The following NIBAN1 variants were observed in gnomAD, a reference collection of about 807,000 sequenced individuals.
NIBAN1 encodes protein Niban 1.
A neutral mutation model predicts 75.1 loss-of-function variants in NIBAN1; 81 were observed. That is an observed-to-expected ratio of 1.08 (90% CI 0.90 to 1.30). The LOEUF is 1.30. Ranked by LOEUF, NIBAN1 falls within the 50% of genes most tolerant of loss-of-function variation. The probability of loss-of-function intolerance (pLI) is 0.00; values close to 1 mark genes in which losing one functional copy is unlikely to be tolerated. For missense variants in NIBAN1, 1,133 were observed against 1,128.1 expected, an observed-to-expected ratio of 1.00 and a Z score of -0.06; for synonymous variants, 436 against 424.8, an observed-to-expected ratio of 1.03 and a Z score of -0.32.
At chr1:184,917,231 G>A (rs1657408862) in intron 1 of NIBAN1, among the ~76,000 whole-genome samples, 1 of 145,438 alleles carries the variant, frequency 6.9e-6, no homozygotes, top group Admixed American at 6.9e-5. Flanking sequence ...TTGAGATGAA[G>A]TCTCACTCTG....
At chr1:184,918,041 C>T (rs751780229) in intron 1 of NIBAN1, among the ~76,000 whole-genome samples, 1 of 152,132 alleles carries the variant, frequency 6.6e-6, no homozygotes, top group South Asian at 2.1e-4. Flanking sequence ...TGGATCCCTG[C>T]CGCATATTTC....
intron 9 of NIBAN1, among the ~76,000 whole-genome samples, chr1:184,815,007 A>G (rs2102209433): frequency 6.6e-6 from 1 of 152,310 alleles, no homozygotes; most frequent in East Asian, 1.9e-4. Flanking sequence ...ATATATTGAT[A>G]TGGTGACTTA....
At chr1:184,909,785 A>G (rs549535470) in intron 1 of NIBAN1, among the ~76,000 whole-genome samples, 85 of 152,324 alleles carry the variant, frequency 5.6e-4, no homozygotes, top group African/African-American at 2.0e-3. Context: ...AACATCTCCA[A>G]TAATAAAATC....
chr1:184,827,276 T>C (rs758960777), intron 6 of NIBAN1, among the ~76,000 whole-genome samples: 5 of 152,086 alleles, frequency 3.3e-5, no homozygotes, highest in Non-Finnish European at 7.3e-5. Flanking sequence ...GCAGAGCCTG[T>C]GGGTGCTGAA....
At position 184,890,051 on chromosome 1, in the gene NIBAN1, C is replaced by T. The variant is rs1276279532; in HGVS notation, c.433+57G>A. ...TCTCCTTCACAGAGAAACACTGCTC[C>T]AGCTAAACAAAGAAGCTTAGTCATT... On this transcript the variant is annotated intron_variant, in intron 4 of 13. Transcript: ENST00000367511. 7 of 1,303,136 alleles carry T rather than the reference C, an allele frequency of 5.4e-6. No homozygotes were observed. In the African/African-American group the frequency reaches 1.0e-4, roughly 19 times the overall value. 80.7% of individuals were successfully genotyped at this position (1,303,136 alleles called of 1,614,324 possible).
chr1:184,823,686 C>A lies in NIBAN1; in HGVS notation c.774G>T (p.Leu258=). ...CATTCTTCTTCCCCTTCATCTTAGG[C>A]AGCAGGTCTGTCTGAAGAGTGGGCA... ...ELLPTLQTDL[L]PKMKGKKNDR... Residue 258 remains leucine (L), a synonymous_variant, in exon 7 of 14, where the codon CTG becomes CTT. Coordinates refer to ENST00000367511, the MANE Select transcript of NIBAN1 (RefSeq NM_052966.4). 6.2e-7 allele frequency: 1 copy of A among 1,614,166 alleles called. No individual in the cohort carries two copies. The highest frequency in any genetic ancestry group is 1.3e-5 in the African/African-American group (1 of 75,054).
At chr1:184,889,270 T>C (rs1656607350) in intron 4 of NIBAN1, among the ~76,000 whole-genome samples, 1 of 152,162 alleles carries the variant, frequency 6.6e-6, no homozygotes, top group Non-Finnish European at 1.5e-5. Flanking sequence ...GTTTTTAAGT[T>C]CAAAGCCCTG....
intron 1 of NIBAN1, among the ~76,000 whole-genome samples, chr1:184,942,894 G>A (rs1438476315): frequency 3.9e-5 from 6 of 152,002 alleles, no homozygotes; most frequent in Admixed American, 3.3e-4. Flanking sequence ...CAAGTGACTC[G>A]AAAATCAGGA....
rs572792467 is a variant in NIBAN1 at position 184,973,836 on chromosome 1, A to G, written c.55+466T>C. Among the ~76,000 whole-genome samples, 89 of 152,364 alleles carry G rather than the reference A, an allele frequency of 5.8e-4. No individual in the cohort carries two copies. The Middle Eastern group carries it at 0.014, about 23-fold the overall frequency. ...TGAAGTGCGAGCGAAGCTGCGGCCA[A>G]CGCCGCGCTTTCCAAAGCCAGGCCA... On this transcript the variant is annotated intron_variant, in intron 1 of 13. Transcript: ENST00000367511.
At chr1:184,955,383 A>G (rs1658463300) in intron 1 of NIBAN1, among the ~76,000 whole-genome samples, 2 of 31,410 alleles carry the variant, frequency 6.4e-5, no homozygotes, top group Non-Finnish European at 1.8e-4. Context: ...TGTTTTTGAG[A>G]TGGAGACTTG....
In NIBAN1 at chr1:184,896,134, A is replaced by T. The variant is rs548351416; in HGVS notation, c.187-1928T>A. Among the ~76,000 whole-genome samples, 11 of 152,306 alleles carry T rather than the reference A, an allele frequency of 7.2e-5. 1 individual carries two copies. Among genetic ancestry groups the T allele is most frequent in the Admixed American group, 5.9e-4 (9 of 15,288 alleles). The stretch of plus-strand genomic sequence containing the variant: ...TTTTTTAGTTATTTGTGATATCTCC[A>T]TACTATTTTCCGTAGGGGTTGAACT... On this transcript the variant is annotated intron_variant, in intron 2 of 13. Coordinates refer to ENST00000367511, the MANE Select transcript of NIBAN1 (RefSeq NM_052966.4).
At chr1:184,892,989 C>T (rs560132165) in intron 3 of NIBAN1, among the ~76,000 whole-genome samples, 5 of 152,270 alleles carry the variant, frequency 3.3e-5, no homozygotes, top group African/African-American at 1.2e-4. Context: ...CCATGCTGGT[C>T]TCTAACTCCT....
At chr1:184,797,215 C>A (rs967947437) in intron 13 of NIBAN1, among the ~76,000 whole-genome samples, 27 of 150,206 alleles carry the variant, frequency 1.8e-4, no homozygotes, top group African/African-American at 5.9e-4. Flanking sequence ...TCTTGGCTCA[C>A]TGGAACCTCT....
chr1:184,815,774 C>T lies in NIBAN1; in HGVS notation c.1173+2864G>A, dbSNP rs577081582. ...CGTTGCCTCATAATCAGTCAAAACT[C>T]TTCTTAATCCGCATCATGGATTAAA... is the stretch of plus-strand genomic sequence containing the variant. On this transcript the variant is annotated intron_variant, in intron 9 of 13. Coordinates refer to ENST00000367511, the MANE Select transcript of NIBAN1 (RefSeq NM_052966.4). Among the ~76,000 whole-genome samples, 30 of 152,290 alleles carry T rather than the reference C, an allele frequency of 2.0e-4. No homozygotes were observed. In the South Asian group the frequency reaches 2.3e-3, roughly 12 times the overall value.
chr1:184,863,841 G>A (rs1655879613), intron 5 of NIBAN1, among the ~76,000 whole-genome samples: 1 of 152,160 alleles, frequency 6.6e-6, no homozygotes, highest in Non-Finnish European at 1.5e-5. Flanking sequence ...AAATAGCTTT[G>A]TGACTTTAAA....
At chr1:184,798,483 A>G (rs1399328019) in intron 12 of NIBAN1, among the ~76,000 whole-genome samples, 1 of 152,144 alleles carries the variant, frequency 6.6e-6, no homozygotes, top group Non-Finnish European at 1.5e-5. Flanking sequence ...TGTACTGGCC[A>G]CGCATTTTAT....
rs554747126 is a variant in NIBAN1 at position 184,919,726 on chromosome 1, G to A, written c.56-20417C>T. On this transcript the variant is annotated intron_variant, in intron 1 of 13. Coordinates refer to ENST00000367511, the MANE Select transcript of NIBAN1 (RefSeq NM_052966.4). The stretch of plus-strand genomic sequence containing the variant: ...GGTAACAGGTGAGGAATAAAACGCA[G>A]CTGCATATTAACTCCCAAGGGGGAA... Among the ~76,000 whole-genome samples, 16 of 152,216 alleles carry A rather than the reference G, an allele frequency of 1.1e-4. No individual in the cohort carries two copies. The East Asian group carries it at 3.1e-3, about 29-fold the overall frequency.
chr1:184,804,856 T>C (rs1654148935), intron 11 of NIBAN1, among the ~76,000 whole-genome samples: 1 of 151,912 alleles, frequency 6.6e-6, no homozygotes, highest in Non-Finnish European at 1.5e-5. Context: ...TGGCACAATC[T>C]CCGCTCACTG....
intron 1 of NIBAN1, among the ~76,000 whole-genome samples, chr1:184,929,860 T>G (rs1242620395): frequency 6.6e-6 from 1 of 152,264 alleles, no homozygotes; most frequent in East Asian, 1.9e-4. Flanking sequence ...CTGAACATTG[T>G]GCTTGATGCT....
Sources: allele counts gnomAD v4.1 joint callset (sites outside exome capture counted in the v4.1 genomes callset), GRCh38; gene constraint gnomAD v4.1.1; transcripts MANE v1.5; gene names NCBI Gene and HGNC (gene_info 2026-07-23, HGNC 2026-07-21).